Variants in IQCH observed in about 807,000 individuals in gnomAD.
IQCH encodes IQ domain-containing protein H.
In IQCH, 98 loss-of-function variants were observed where a neutral mutation model predicts 117.0. The observed-to-expected ratio is 0.84, with a 90% CI of 0.71 to 0.99. The LOEUF (loss-of-function observed/expected upper bound fraction) is 0.99. Ranked by LOEUF, IQCH falls within the 50% of genes least tolerant of loss-of-function variation. The pLI is 0.00. For missense variants in IQCH, 1,102 were observed against 1,243.8 expected (o/e 0.89, Z 1.72); for synonymous variants, 412 against 448.2 (o/e 0.92, Z 1.02).
Position 67,370,969 on chromosome 15 carries a change from G to T in IQCH, c.754-1142G>T, listed in dbSNP as rs1390334686. Among the ~76,000 whole-genome samples the T allele has an allele frequency of 6.6e-6, 1 of 150,930 alleles. No homozygotes were observed. Among genetic ancestry groups the T allele is most frequent in the South Asian group, 2.1e-4 (1 of 4,776 alleles). ...TCATTATGGATAAATTGCTGGGGGG[G>T]GTTTTCTTTGAGTTTTTTGAAAACT... On this transcript the variant is annotated intron_variant, in intron 8 of 20. Transcript: ENST00000335894. The surrounding 1 kb of genome is among the most constrained non-coding windows in gnomAD (Gnocchi z 5.6).
chr15:67,289,178 G>A (rs1966671232), intron 4 of IQCH, among the ~76,000 whole-genome samples: 1 of 152,116 alleles, frequency 6.6e-6, no homozygotes, highest in Non-Finnish European at 1.5e-5. Context: ...GAAAGAGTTT[G>A]AATTTACATT....
chr15:67,414,709 T>C (rs2140902763), intron 14 of IQCH, among the ~76,000 whole-genome samples: 1 of 150,582 alleles, frequency 6.6e-6, no homozygotes, highest in African/African-American at 2.4e-5. Flanking sequence ...TATATATCAC[T>C]TTTTTACTAG....
chr15:67,402,590 G>A (rs1364038460), intron 14 of IQCH, among the ~76,000 whole-genome samples: 1 of 152,166 alleles, frequency 6.6e-6, no homozygotes, highest in East Asian at 1.9e-4. Flanking sequence ...TAATGAAGAT[G>A]TTGTGTCATC....
chr15:67,301,942 A>C (rs1283117757), intron 4 of IQCH, among the ~76,000 whole-genome samples: 1 of 152,154 alleles, frequency 6.6e-6, no homozygotes, highest in Non-Finnish European at 1.5e-5. Flanking sequence ...TTCTATTTAC[A>C]TACTGATTTC....
At chr15:67,330,692 C>T (rs1293701510) in intron 4 of IQCH, among the ~76,000 whole-genome samples, 1 of 152,182 alleles carries the variant, frequency 6.6e-6, no homozygotes, top group Non-Finnish European at 1.5e-5. Context: ...CCCCACTGGG[C>T]CATGAAGCAG....
At chr15:67,373,617 A>T (rs1279932520) in intron 10 of IQCH, 184 bp downstream of exon 10, 1 of 670,408 alleles carries the variant, frequency 1.5e-6, no homozygotes, top group Non-Finnish European at 2.7e-6. Flanking sequence ...TTTGGGGATT[A>T]AGCAAATAAA....
At chr15:67,256,184 T>G (rs1029150400) in intron 1 of IQCH, among the ~76,000 whole-genome samples, 2 of 152,124 alleles carry the variant, frequency 1.3e-5, no homozygotes, top group Non-Finnish European at 2.9e-5. Context: ...AGGAAAGAGA[T>G]GAATAGGACA....
chr15:67,311,720 T>C (rs1358432081), intron 4 of IQCH, among the ~76,000 whole-genome samples: 1 of 152,026 alleles, frequency 6.6e-6, no homozygotes, highest in African/African-American at 2.4e-5. Context: ...AAAATTTGCA[T>C]TTACTTATTT....
rs114038547 is a variant in IQCH, at chr15:67,483,150, A to G, written c.2800-6853A>G. ...TGTAACCAACTAACTGTCACTAAAA[A>G]TGATTATAAAGGCTGGTTTGAGATA... On this transcript the variant is annotated intron_variant, in intron 18 of 20. Transcript: ENST00000335894. 7.0e-3 allele frequency among the ~76,000 whole-genome samples: 1,071 copies of G among 152,280 alleles called. 13 individuals are homozygous for G. The highest frequency in any genetic ancestry group is 0.024 in the African/African-American group (1,004 of 41,554).
intron 6 of IQCH, among the ~76,000 whole-genome samples, chr15:67,353,727 G>A (rs184036420): frequency 6.6e-6 from 1 of 152,208 alleles, no homozygotes; most frequent in East Asian, 1.9e-4. Flanking sequence ...AAGGAAAATA[G>A]AAGGCACACG....
intron 4 of IQCH, among the ~76,000 whole-genome samples, chr15:67,314,073 G>T (rs1967728613): frequency 6.6e-6 from 1 of 151,992 alleles, no homozygotes. Context: ...TGGATGGCTG[G>T]GATTTCCTCT....
In IQCH at chr15:67,360,957, G is replaced by T. The variant is rs568572324; in HGVS notation, c.753+1072G>T. Among the ~76,000 whole-genome samples the T allele has an allele frequency of 9.8e-5, 15 of 152,338 alleles. No homozygotes were observed. The East Asian group carries it at 2.9e-3, about 29-fold the overall frequency. On this transcript the variant is annotated intron_variant, in intron 8 of 20. Coordinates refer to ENST00000335894, the MANE Select transcript of IQCH (RefSeq NM_001031715.3). ...ATTCTGCAGGTTAAAAATAGGATGT[G>T]TTTACGAACAGTAAGGCATTATTTA...
intron 3 of IQCH, among the ~76,000 whole-genome samples, chr15:67,272,776 C>T (rs1354516536): frequency 1.3e-5 from 2 of 152,130 alleles, no homozygotes; most frequent in East Asian, 3.8e-4. Context: ...AGAATATCAA[C>T]TCCATGTCTT....
At chr15:67,400,502 T>TTTTTTTTTTTTTTTG (rs1971616963) in intron 14 of IQCH, among the ~76,000 whole-genome samples, 197 bp downstream of exon 14, 1 of 147,906 alleles carries the variant, frequency 6.8e-6, no homozygotes, top group African/African-American at 2.5e-5. Flanking sequence ...TTTTTTTTTT[T>TTTTTTTTTTTTTTTG]GAGATGGGGC....
intron 3 of IQCH, among the ~76,000 whole-genome samples, chr15:67,275,270 A>G (rs1379013898): frequency 2.0e-5 from 3 of 152,210 alleles, no homozygotes; most frequent in African/African-American, 7.2e-5. Context: ...TCTAGTGAAG[A>G]AACCATGAGT....
rs2083737008 is a variant in IQCH, at chr15:67,494,045, T to C, written c.2862-213T>C. On this transcript the variant is annotated intron_variant, in intron 19 of 20. Coordinates refer to ENST00000335894, the MANE Select transcript of IQCH (RefSeq NM_001031715.3). The surrounding 1 kb of genome is among the most constrained non-coding windows in gnomAD (Gnocchi z 5.5). Reference sequence around the variant, plus strand: ...TACCCTATTGGTATATTCTGCTAAGTTGATTAATAAAAAATATTTATTACG... The same window carrying C: ...TACCCTATTGGTATATTCTGCTAAGCTGATTAATAAAAAATATTTATTACG... Among the ~76,000 whole-genome samples, 1 of 152,250 alleles carries C rather than the reference T, an allele frequency of 6.6e-6. No individual in the cohort carries two copies. Among genetic ancestry groups the C allele is most frequent in the African/African-American group, 2.4e-5 (1 of 41,462 alleles).
At chr15:67,464,130 G>T (rs1459343702) in intron 16 of IQCH, among the ~76,000 whole-genome samples, 1 of 152,284 alleles carries the variant, frequency 6.6e-6, no homozygotes, top group East Asian at 1.9e-4. Context: ...TGCCCAGCCT[G>T]TCTTCACCTT....
At chr15:67,280,744 A>G (rs139941211) in intron 4 of IQCH, among the ~76,000 whole-genome samples, 1,845 of 152,254 alleles carry the variant, frequency 0.012, 17 homozygotes, top group Middle Eastern at 0.044. Context: ...CTTAAAAGTA[A>G]TACTAGCTCA....
chr15:67,384,624 C>T lies in IQCH; in HGVS notation c.1373-312C>T, dbSNP rs1038528154. On this transcript the variant is annotated intron_variant, in intron 10 of 20. Transcript: ENST00000335894. This position sits in a 1 kb window ranked among gnomAD's most constrained non-coding sequence, Gnocchi z 4.3. The stretch of plus-strand genomic sequence containing the variant: ...CCTGAGCATAATTTTCTTACACATC[C>T]TTGTAAACATTCATATTGCATGTCA... 6.6e-6 allele frequency among the ~76,000 whole-genome samples: 1 copy of T among 151,790 alleles called. No individual in the cohort carries two copies. The highest frequency in any genetic ancestry group is 6.6e-5 in the Admixed American group (1 of 15,234).
Sources: gnomAD v4.1 joint callset for allele counts (sites outside exome capture counted in the v4.1 genomes callset) on GRCh38, gnomAD v4.1.1 for gene constraint, Gnocchi (gnomAD v3.1) non-coding constraint, MANE v1.5 for transcripts, NCBI Gene and HGNC (gene_info 2026-07-23, HGNC 2026-07-21) for gene names.